The following TBC1D22A variants were observed in gnomAD, a reference collection of about 807,000 sequenced individuals.
The protein encoded by TBC1D22A is TBC1 domain family member 22A, also known as putative GTPase activator.
In TBC1D22A, 38 loss-of-function variants were observed where a neutral mutation model predicts 60.2. The observed-to-expected ratio is 0.63, with a 90% confidence interval of 0.49 to 0.83. The LOEUF (loss-of-function observed/expected upper bound fraction) is 0.83, where lower values mean the gene tolerates loss of function less well. Ranked by LOEUF, TBC1D22A falls within the 40% of genes least tolerant of loss-of-function variation. The pLI is 0.00. For missense variants in TBC1D22A, 628 were observed against 701.0 expected, an observed-to-expected ratio of 0.90 and a Z score of 1.18; for synonymous variants, 302 against 281.7, an observed-to-expected ratio of 1.07 and a Z score of -0.72.
intron 4 of TBC1D22A, among the ~76,000 whole-genome samples, chr22:46,799,462 G>C (rs534543252): frequency 2.0e-5 from 3 of 152,142 alleles, no homozygotes; most frequent in Non-Finnish European, 4.4e-5. Flanking sequence ...CACAGCACAG[G>C]GGTCACAATC....
chr22:47,044,828 G>T (rs2062976851), intron 11 of TBC1D22A, among the ~76,000 whole-genome samples: 1 of 152,240 alleles, frequency 6.6e-6, no homozygotes, highest in Admixed American at 6.5e-5. Flanking sequence ...GACATGTCTG[G>T]AAAGTCCTTA....
At chr22:46,943,714 C>T (rs1432797899) in intron 8 of TBC1D22A, among the ~76,000 whole-genome samples, 1 of 152,204 alleles carries the variant, frequency 6.6e-6, no homozygotes, top group Admixed American at 6.5e-5. Flanking sequence ...GCCACATGAC[C>T]TTTCCTCAGC....
intron 12 of TBC1D22A, among the ~76,000 whole-genome samples, chr22:47,139,056 A>T (rs144575671): frequency 6.6e-6 from 1 of 152,210 alleles, no homozygotes; most frequent in Non-Finnish European, 1.5e-5. Context: ...CTCGCTCTGC[A>T]GCCGTCTCCC....
chr22:47,051,838 C>G (rs1322878390), intron 11 of TBC1D22A, among the ~76,000 whole-genome samples: 1 of 152,236 alleles, frequency 6.6e-6, no homozygotes, highest in African/African-American at 2.4e-5. Flanking sequence ...GCTTTGTATT[C>G]AGGGATTCAG....
chr22:46,917,122 A>G (rs997087236), intron 8 of TBC1D22A, among the ~76,000 whole-genome samples: 12 of 152,152 alleles, frequency 7.9e-5, no homozygotes, highest in Non-Finnish European at 1.8e-4. Flanking sequence ...TGGAGACGAC[A>G]CTCAGCTAGG....
intron 10 of TBC1D22A, among the ~76,000 whole-genome samples, chr22:46,999,470 C>T (rs2075236240): frequency 6.6e-6 from 1 of 152,122 alleles, no homozygotes; most frequent in Non-Finnish European, 1.5e-5. Flanking sequence ...ATCATGGCCT[C>T]ATAATAAGAA....
intron 10 of TBC1D22A, among the ~76,000 whole-genome samples, chr22:46,999,735 A>T (rs2075246004): frequency 6.6e-6 from 1 of 152,216 alleles, no homozygotes. Flanking sequence ...AGAAAAAAAA[A>T]GCTTCTCAGG....
At chr22:46,852,849 C>A (rs562673557) in intron 4 of TBC1D22A, among the ~76,000 whole-genome samples, 3 of 152,002 alleles carry the variant, frequency 2.0e-5, no homozygotes, top group Non-Finnish European at 4.4e-5. Context: ...TGTGCGCAGA[C>A]CCTGCCCGTC....
chr22:46,904,930 A>G (rs2069349292), intron 7 of TBC1D22A, among the ~76,000 whole-genome samples: 1 of 151,640 alleles, frequency 6.6e-6, no homozygotes. Context: ...GCCTGCCACC[A>G]TGCCCGGCTA....
At chr22:46,837,441 G>A (rs1439873614) in intron 4 of TBC1D22A, among the ~76,000 whole-genome samples, 1 of 152,130 alleles carries the variant, frequency 6.6e-6, no homozygotes, top group Non-Finnish European at 1.5e-5. Flanking sequence ...GCTGTAGAAT[G>A]CACATTCTTC....
chr22:47,040,936 G>A (rs1014364593), intron 11 of TBC1D22A, among the ~76,000 whole-genome samples: 3 of 152,094 alleles, frequency 2.0e-5, no homozygotes, highest in African/African-American at 7.2e-5. Flanking sequence ...GAGATCCTCG[G>A]CTGCCTTCAG....
At chr22:47,096,527 T>A (rs2065177897) in intron 11 of TBC1D22A, among the ~76,000 whole-genome samples, 1 of 152,176 alleles carries the variant, frequency 6.6e-6, no homozygotes, top group African/African-American at 2.4e-5. Flanking sequence ...GTTTTTAAAA[T>A]TTATCCTTTG....
At chr22:46,781,218 T>C (rs2083923637) in intron 1 of TBC1D22A, among the ~76,000 whole-genome samples, 1 of 151,054 alleles carries the variant, frequency 6.6e-6, no homozygotes, top group African/African-American at 2.4e-5. Context: ...CTGGTGTCAC[T>C]GCTGGAGTGC....
intron 11 of TBC1D22A, among the ~76,000 whole-genome samples, chr22:47,071,354 A>G (rs1282046668): frequency 6.6e-6 from 1 of 152,138 alleles, no homozygotes; most frequent in Non-Finnish European, 1.5e-5. Context: ...GGGCAGTCAG[A>G]CCTTCCAGTG....
In TBC1D22A at chr22:46,789,486, A is replaced by C. The variant is rs1371197713; in HGVS notation, c.63-3034A>C. On this transcript the variant is annotated intron_variant, in intron 1 of 12. Coordinates refer to ENST00000337137, the MANE Select transcript of TBC1D22A (RefSeq NM_014346.5). ...GTTTTGCTTTTGTGAGTAAACTGTA[A>C]GGGCCGGAATAGTTTGGATGTGTTG... 8 of 334,146 alleles carry C rather than the reference A, an allele frequency of 2.4e-5. No homozygotes were observed. The East Asian group carries it at 9.6e-4, about 40-fold the overall frequency. 20.7% of individuals were successfully genotyped at this position (334,146 alleles called of 1,614,324 possible).
intron 11 of TBC1D22A, among the ~76,000 whole-genome samples, chr22:47,067,606 C>G (rs569101624): frequency 1.3e-5 from 2 of 152,308 alleles, no homozygotes; most frequent in African/African-American, 4.8e-5. Context: ...GCGTGTCTGC[C>G]CCAGGCTGTC....
At chr22:46,850,744 A>G (rs1337390285) in intron 4 of TBC1D22A, among the ~76,000 whole-genome samples, 1 of 152,252 alleles carries the variant, frequency 6.6e-6, no homozygotes, top group African/African-American at 2.4e-5. Flanking sequence ...AGACTTGTAC[A>G]TGAATGTTTA....
At chr22:47,100,881 A>G (rs759509417) in intron 11 of TBC1D22A, among the ~76,000 whole-genome samples, 10 of 152,180 alleles carry the variant, frequency 6.6e-5, no homozygotes, top group African/African-American at 1.9e-4. Context: ...GTCTACCAAC[A>G]GCTCGCCTCA....
chr22:46,926,203 T>C (rs1286438204), intron 8 of TBC1D22A, among the ~76,000 whole-genome samples: 1 of 152,192 alleles, frequency 6.6e-6, no homozygotes, highest in Non-Finnish European at 1.5e-5. Context: ...TAACGGACTA[T>C]ATTAAAAAAG....
Sources: gnomAD v4.1 joint callset for allele counts (sites outside exome capture counted in the v4.1 genomes callset) on GRCh38, gnomAD v4.1.1 for gene constraint, MANE v1.5 for transcripts, NCBI Gene and HGNC (gene_info 2026-07-23, HGNC 2026-07-21) for gene names.